The following CDH26 variants were observed in gnomAD, a reference collection of about 807,000 sequenced individuals.
CDH26 encodes the protein cadherin 26.
In CDH26, 83 loss-of-function variants were observed where a neutral mutation model predicts 90.3. The observed-to-expected ratio is 0.92, with a 90% CI of 0.77 to 1.10. CDH26 has a LOEUF of 1.10. CDH26 is among the 50% of genes least tolerant of loss of function. CDH26 has a pLI of 0.00. For synonymous variants in CDH26, 397 were observed against 396.3 expected, an observed-to-expected ratio of 1.00 and a Z score of -0.02; for missense variants, 1,013 against 1,037.6, an observed-to-expected ratio of 0.98 and a Z score of 0.33.
At chr20:60,009,768 G>T (rs770094353) in intron 17 of CDH26, among the ~76,000 whole-genome samples, 1 of 152,116 alleles carries the variant, frequency 6.6e-6, no homozygotes, top group Non-Finnish European at 1.5e-5. Context: ...TGTCAGCCTG[G>T]GGGTTTTGAA....
downstream of CDH26, among the ~76,000 whole-genome samples, chr20:60,017,847 T>A (rs1693829343): frequency 6.6e-6 from 1 of 152,132 alleles, no homozygotes; most frequent in Admixed American, 6.5e-5. Flanking sequence ...AATCTCATTC[T>A]TAATTGATTT....
At chr20:60,027,774 T>C (rs2062009943) in intron 7 of CDH26, among the ~76,000 whole-genome samples, 1 of 152,212 alleles carries the variant, frequency 6.6e-6, no homozygotes. Flanking sequence ...ACTGGAAATG[T>C]GTCTACCAAG....
chr20:59,997,172 T>A (rs2426865), intron 13 of CDH26, among the ~76,000 whole-genome samples: 29,476 of 152,242 alleles, frequency 0.19, 7,272 homozygotes, highest in African/African-American at 0.58. Context: ...GGAAATAGTG[T>A]TTTTTATTAA....
chr20:60,032,749 C>CA lies in CDH26; in HGVS notation c.1144-731dup, dbSNP rs2062050083. Among the ~76,000 whole-genome samples, 6 of 149,098 alleles carry CA rather than the reference C, an allele frequency of 4.0e-5. No individual in the cohort carries two copies. The Admixed American group carries it at 4.1e-4, about 10-fold the overall frequency. On this transcript the variant is annotated intron_variant, in intron 8 of 8. Coordinates refer to the CDH26 transcript ENST00000370991. ...CATTCTCAGTAAACTATCGCAAGAA[C>CA]AAAAAACCAAACACCGCATGTTCTC...
intron 9 of CDH26, among the ~76,000 whole-genome samples, chr20:59,991,107 T>G (rs1333098071): frequency 6.6e-6 from 1 of 152,020 alleles, no homozygotes; most frequent in Admixed American, 6.6e-5. Flanking sequence ...CCCATAGAAT[T>G]TGATTGAGAG....
chr20:59,990,223 G>A (rs2061511940), intron 9 of CDH26, among the ~76,000 whole-genome samples: 1 of 152,196 alleles, frequency 6.6e-6, no homozygotes, highest in East Asian at 1.9e-4. Context: ...ATGCATATGT[G>A]GTATTGACAC....
At chr20:60,015,621 C>T (rs1443502854), downstream of CDH26, among the ~76,000 whole-genome samples, 45 of 137,478 alleles carry the variant, frequency 3.3e-4, no homozygotes, top group Admixed American at 1.5e-3. Context: ...GAAAATTTTT[C>T]GTTTGATATA....
intron 5 of CDH26, among the ~76,000 whole-genome samples, chr20:59,984,361 A>C (rs2061427768): frequency 6.6e-6 from 1 of 152,130 alleles, no homozygotes; most frequent in Non-Finnish European, 1.5e-5. Flanking sequence ...ATTTTCTTTT[A>C]AATTTTGTCC....
chr20:59,969,081 A>C, intron 2 of CDH26, 58 bp downstream of exon 2: 1 of 1,116,684 alleles, frequency 9.0e-7, no homozygotes, highest in Non-Finnish European at 1.4e-6. Context: ...CTTGACTTAG[A>C]GACAGAATTG....
intron 4 of CDH26, among the ~76,000 whole-genome samples, chr20:59,979,344 G>A (rs955898861): frequency 1.3e-5 from 2 of 151,664 alleles, no homozygotes; most frequent in South Asian, 2.1e-4. Flanking sequence ...GACTACAGGC[G>A]CCTGCCACCA....
rs148842350 is a variant in CDH26 at position 60,007,021 on chromosome 20, G to A, written c.2295+234G>A. On this transcript the variant is annotated intron_variant, in intron 17 of 17. Transcript: ENST00000348616. ...CCAGCATGGTTGGGTTCTGGTGAGA[G>A]CTCTCTTGCTAGCTGGCAGATGGCC... Among the ~76,000 whole-genome samples, 985 of 152,300 alleles carry A rather than the reference G, an allele frequency of 6.5e-3. 15 individuals carry two copies. The highest frequency in any genetic ancestry group is 0.028 in the East Asian group (143 of 5,178).
chr20:60,033,739 C>G (rs1292428021), exon 9 of CDH26: 16 of 1,246,606 alleles, frequency 1.3e-5, no homozygotes, highest in Non-Finnish European at 1.7e-5. Flanking sequence ...GAAATGGCTT[C>G]CTGGAGGAGA....
intron 11 of CDH26, among the ~76,000 whole-genome samples, chr20:59,995,474 T>A (rs76717793): frequency 0.016 from 2,377 of 152,000 alleles, 34 homozygotes; most frequent in Non-Finnish European, 0.025. Context: ...TTCTCGGGAG[T>A]GGATGATGAG....
chr20:60,003,170 G>C (rs1668965547), intron 16 of CDH26, among the ~76,000 whole-genome samples: 1 of 152,122 alleles, frequency 6.6e-6, no homozygotes, highest in Non-Finnish European at 1.5e-5. Flanking sequence ...CAGACCTATA[G>C]AAATTTTGAG....
At position 59,995,833 on chromosome 20, in the gene CDH26, G is replaced by T; in HGVS notation, c.1667G>T (p.Gly556Val). Residue 556 changes from glycine to valine, a missense_variant and splice_region_variant, in exon 12 of 18, where the codon GGT (glycine) becomes GTT (valine). Coordinates refer to ENST00000348616, the MANE Select transcript of CDH26 (RefSeq NM_177980.4). ...TGCCATGTTCTTTTTCCCTTTGCAG[G>T]TCAATCAGTTGAACTTTTAACCTTG... Reference protein sequence around the residue: ...EDTWKLGRNWGQSVELLTLRS... With the variant: ...EDTWKLGRNWVQSVELLTLRS... 6.2e-7 allele frequency: 1 copy of T among 1,613,912 alleles called. No individual in the cohort carries two copies.
Position 60,012,709 on chromosome 20 carries a change from A to C in CDH26, c.2478A>C (p.Ser826=). ...CGACTCCGTTTGAGGAAATATATTC[A>C]GAGTCAGGTGTTCCTTCCTAAAAAA... ...SKATPFEEIY[S]ESGVPS is the part of the protein sequence containing the mutation. The change falls in exon 18 of 18, where the codon TCA becomes TCC. Residue 826 remains serine, a synonymous_variant. Coordinates refer to ENST00000348616, the MANE Select transcript of CDH26 (RefSeq NM_177980.4). The C allele has an allele frequency of 6.2e-7, 1 of 1,613,900 alleles. No individual in the cohort carries two copies. The highest frequency in any genetic ancestry group is 8.5e-7 in the Non-Finnish European group (1 of 1,179,944).
chr20:59,997,675 C>T (rs2061616905), intron 13 of CDH26, among the ~76,000 whole-genome samples: 1 of 152,208 alleles, frequency 6.6e-6, no homozygotes, highest in South Asian at 2.1e-4. Flanking sequence ...AGAAAATGAA[C>T]ACAAAAGAAA....
chr20:60,021,278 A>G (rs962431350), intron 7 of CDH26, among the ~76,000 whole-genome samples: 1 of 152,218 alleles, frequency 6.6e-6, no homozygotes, highest in Non-Finnish European at 1.5e-5. Context: ...AGTCAAATAT[A>G]GCACACTGTC....
In CDH26 at chr20:59,996,743, C is replaced by G; in HGVS notation, c.2001C>G (p.Ser667Arg). 6.2e-7 allele frequency: 1 copy of G among 1,614,218 alleles called. No individual in the cohort carries two copies. Among genetic ancestry groups the G allele is most frequent in the Non-Finnish European group, 8.5e-7 (1 of 1,180,036 alleles). ...CACTGGTCATGTATAATGCGGAGAG[C>G]AAAGGCACTTCAGCCCAGGTAGTGG... ...HQTLVMYNAE[S>R]KGTSAQTWSD... The change falls in exon 13 of 18, where the codon AGC (serine) becomes AGG (arginine). Residue 667 changes from serine to arginine, a missense_variant. Transcript: ENST00000348616.
Sources: gnomAD v4.1 joint callset for allele counts (sites outside exome capture counted in the v4.1 genomes callset) on GRCh38, gnomAD v4.1.1 for gene constraint, MANE v1.5 for transcripts, NCBI Gene and HGNC (gene_info 2026-07-23, HGNC 2026-07-21) for gene names.